Variants in OTOG observed in about 807,000 individuals in gnomAD.
OTOG encodes the protein otogelin.
A neutral mutation model predicts 313.8 loss-of-function variants in OTOG; 296 were observed. The observed-to-expected ratio is 0.94, with a 90% CI of 0.86 to 1.04. The LOEUF (loss-of-function observed/expected upper bound fraction) is 1.04. OTOG is among the 50% of genes least tolerant of loss of function. OTOG has a pLI of 0.00. For synonymous variants in OTOG, 1,533 were observed against 1,554.9 expected, an observed-to-expected ratio of 0.99 and a Z score of 0.33; for missense variants, 3,948 against 3,840.1, an observed-to-expected ratio of 1.03 and a Z score of -0.74.
At chr11:17,633,903 G>A (rs929251054) in intron 43 of OTOG, 29 bp downstream of exon 43, 5 of 1,502,262 alleles carry the variant, frequency 3.3e-6, no homozygotes, top group South Asian at 2.6e-5. Flanking sequence ...TGAGTGGGGG[G>A]CCTCCAAAGC....
intron 32 of OTOG, among the ~76,000 whole-genome samples, chr11:17,604,521 C>G (rs1212966555): frequency 9.2e-5 from 14 of 152,220 alleles, no homozygotes; most frequent in African/African-American, 3.4e-4. Context: ...GCATCCAGCC[C>G]TGCCTCCCTC....
chr11:17,601,931 C>G (rs1853262770), intron 31 of OTOG, among the ~76,000 whole-genome samples: 1 of 152,144 alleles, frequency 6.6e-6, no homozygotes, highest in Admixed American at 6.5e-5. Context: ...ATGGGGGGCC[C>G]AGGTGCTCCC....
Position 17,572,329 on chromosome 11 carries a change from G to A in OTOG, c.2080+125G>A, listed in dbSNP as rs1231277714. On this transcript the variant is annotated intron_variant, in intron 18 of 55. Transcript: ENST00000399397. ...AAATTTGTAGGAGTGATAAGAGAAGGAGGAGCAGCAGGGAGGGGAAAGGAG... is the reference window on the plus strand; with the variant it reads ...AAATTTGTAGGAGTGATAAGAGAAGAAGGAGCAGCAGGGAGGGGAAAGGAG... 4 of 1,347,830 alleles carry A rather than the reference G, an allele frequency of 3.0e-6. No individual in the cohort carries two copies. The East Asian group carries it at 1.0e-4, about 34-fold the overall frequency. The allele number at this position is 1,347,830 out of a possible 1,614,324, so 83.5% of individuals were successfully genotyped here. A position where few individuals can be genotyped will look rare whatever the true frequency, so the allele number is the denominator to read the frequency against.
chr11:17,562,872 T>C (rs1373216783), intron 15 of OTOG, among the ~76,000 whole-genome samples: 1 of 152,192 alleles, frequency 6.6e-6, no homozygotes, highest in Non-Finnish European at 1.5e-5. Context: ...GAGCTGGGTC[T>C]TGGAGACTGG....
chr11:17,613,194 C>CTTTTCTTTCTTTCTTTCT, intron 38 of OTOG, among the ~76,000 whole-genome samples: 1 of 48,696 alleles, frequency 2.1e-5, no homozygotes, highest in Non-Finnish European at 4.2e-5. Flanking sequence ...TTCTTTCTTT[C>CTTTTCTTTCTTTCTTTCT]TTTTCTTTCT....
intron 39 of OTOG, 93 bp downstream of exon 39, chr11:17,613,794 T>C (rs577496211): frequency 1.5e-4 from 156 of 1,072,048 alleles, no homozygotes; most frequent in Middle Eastern, 4.0e-4. Flanking sequence ...GGCTGAATCA[T>C]GATTCAGGGC....
chr11:17,644,770 C>T (rs1178040269), intron 54 of OTOG, among the ~76,000 whole-genome samples: 1 of 148,166 alleles, frequency 6.7e-6, no homozygotes, highest in African/African-American at 2.5e-5. Flanking sequence ...TTATGATTCA[C>T]ATCGTAATTA....
chr11:17,576,791 C>T (rs1852538072), intron 21 of OTOG, 77 bp from the exon 22 acceptor site: 2 of 1,521,962 alleles, frequency 1.3e-6, no homozygotes, highest in East Asian at 2.5e-5. Flanking sequence ...CTGCAGTGAC[C>T]CGAGTGCAGC....
intron 33 of OTOG, among the ~76,000 whole-genome samples, chr11:17,607,765 C>T (rs138148297): frequency 7.9e-5 from 12 of 152,290 alleles, no homozygotes; most frequent in African/African-American, 2.2e-4. Flanking sequence ...TGCCCAGGAA[C>T]GCTTTGGGCT....
intron 33 of OTOG, among the ~76,000 whole-genome samples, chr11:17,607,137 C>T (rs1417449910): frequency 6.6e-6 from 1 of 152,254 alleles, no homozygotes; most frequent in African/African-American, 2.4e-5. Flanking sequence ...GCTGTGAGGA[C>T]TGGCTGTGTC....
At chr11:17,591,350 G>T (rs1336360136) in intron 24 of OTOG, 100 bp from the exon 25 acceptor site, 1 of 1,447,104 alleles carries the variant, frequency 6.9e-7, no homozygotes, top group Admixed American at 2.4e-5. Context: ...TTTGCCGAGG[G>T]ACACAGTGCA....
In OTOG at chr11:17,559,652, TTGCCCCAATGGTATGCTA is replaced by T; in HGVS notation, c.1333_1342+8del. On this transcript the variant is annotated splice_donor_variant and splice_donor_5th_base_variant and coding_sequence_variant and intron_variant, in exon 12 of 56. Coordinates refer to ENST00000399397, the MANE Select transcript of OTOG (RefSeq NM_001292063.2). LOFTEE classifies it high-confidence loss of function. ...AGATCGCCTGTGTGGACGGCTGCTA[TTGCCCCAATGGTATGCTA>T]GGGGCAGACGTAGGTGCCTGGCACC... 6.4e-7 allele frequency: 1 copy of T among 1,550,752 alleles called. No homozygotes were observed. The highest frequency in any genetic ancestry group is 8.7e-7 in the Non-Finnish European group (1 of 1,147,046).
chr11:17,614,848 A>G (rs765880019), intron 39 of OTOG, among the ~76,000 whole-genome samples: 14 of 152,252 alleles, frequency 9.2e-5, no homozygotes, highest in Non-Finnish European at 1.8e-4. Flanking sequence ...AAGTGGCTAT[A>G]AACAGTTACA....
In OTOG at chr11:17,572,972, T is replaced by C; in HGVS notation, c.2081-106T>C. The C allele has an allele frequency of 9.2e-6, 10 of 1,082,712 alleles. No individual in the cohort carries two copies. In the South Asian group the frequency reaches 1.3e-4, roughly 14 times the overall value. 67.1% of individuals were successfully genotyped at this position (1,082,712 alleles called of 1,614,324 possible). Reference sequence around the variant, plus strand: ...TAGCTGCCTACATCCGTACAGCGTGTGCACACACACACACCCCTGAGCCAT... The same window carrying C: ...TAGCTGCCTACATCCGTACAGCGTGCGCACACACACACACCCCTGAGCCAT... On this transcript the variant is annotated intron_variant, in intron 18 of 55. Coordinates refer to ENST00000399397, the MANE Select transcript of OTOG (RefSeq NM_001292063.2).
At chr11:17,642,103 A>G (rs1341085134) in intron 52 of OTOG, 24 bp from the exon 53 acceptor site, 1 of 1,527,402 alleles carries the variant, frequency 6.5e-7, no homozygotes. Context: ...CACAGCTCCC[A>G]TTACCTACTT....
chr11:17,629,910 G>T (rs112429491), intron 40 of OTOG, among the ~76,000 whole-genome samples: 307 of 152,254 alleles, frequency 2.0e-3, no homozygotes, highest in Non-Finnish European at 3.5e-3. Flanking sequence ...TAAGCACATG[G>T]ACACTCATGG....
chr11:17,551,337 G>A (rs539368520), intron 3 of OTOG, among the ~76,000 whole-genome samples: 8 of 152,268 alleles, frequency 5.3e-5, no homozygotes, highest in African/African-American at 1.4e-4. Context: ...GATTTCAGGC[G>A]GTTTATGTCT....
In OTOG at chr11:17,547,291, G is replaced by A. The variant is rs553288536; in HGVS notation, c.-82G>A. On this transcript the variant is annotated 5_prime_UTR_variant, in exon 1 of 56. An upstream open reading frame in the 5' UTR gains an earlier in-frame stop. Transcript: ENST00000399397. ...CAAGAGGGACCTCGGCTGCGGAGTG[G>A]AGGTGTGACCCTGCCTTAGCCCGGG... 4.1e-5 allele frequency: 48 copies of A among 1,172,744 alleles called. No individual in the cohort carries two copies. In the African/African-American group the frequency reaches 6.9e-4, roughly 17 times the overall value. The allele number at this position is 1,172,744 out of a possible 1,614,324, so 72.6% of individuals were successfully genotyped here. A position where few individuals can be genotyped will look rare whatever the true frequency, so the allele number is the denominator to read the frequency against.
intron 2 of OTOG, 67 bp downstream of exon 2, chr11:17,548,054 C>G: frequency 7.6e-7 from 1 of 1,318,840 alleles, no homozygotes; most frequent in Non-Finnish European, 1.0e-6. Context: ...ATCAGCGACC[C>G]CAGGGCTTTA....
Sources: allele counts gnomAD v4.1 joint callset (sites outside exome capture counted in the v4.1 genomes callset), GRCh38; gene constraint gnomAD v4.1.1; transcripts MANE v1.5; gene names NCBI Gene and HGNC (gene_info 2026-07-23, HGNC 2026-07-21).